Variants in SLC44A1 observed in about 807,000 individuals in gnomAD.
SLC44A1 encodes choline transporter-like protein 1.
In SLC44A1, 26 loss-of-function variants were observed where a neutral mutation model predicts 79.3. The observed-to-expected ratio is 0.33, with a 90% CI of 0.24 to 0.46. SLC44A1 has a LOEUF of 0.46. SLC44A1 is among the 20% of genes least tolerant of loss of function. The probability of loss-of-function intolerance (pLI) is 1.00; values close to 1 mark genes in which losing one functional copy is unlikely to be tolerated. For synonymous variants in SLC44A1, 263 were observed against 286.2 expected, an observed-to-expected ratio of 0.92 and a Z score of 0.82; for missense variants, 688 against 798.1, an observed-to-expected ratio of 0.86 and a Z score of 1.66.
intron 1 of SLC44A1, among the ~76,000 whole-genome samples, chr9:105,254,409 C>T (rs1056940140): frequency 5.3e-5 from 8 of 152,126 alleles, no homozygotes; most frequent in African/African-American, 1.9e-4. Context: ...TTAGAGTAAC[C>T]AGGACTTCCC....
At chr9:105,431,133 C>T (rs969115952) in intron 15 of SLC44A1, among the ~76,000 whole-genome samples, 2 of 152,194 alleles carry the variant, frequency 1.3e-5, no homozygotes, top group Admixed American at 1.3e-4. Flanking sequence ...AATCCAAGGT[C>T]ATACATATTT....
intron 15 of SLC44A1, among the ~76,000 whole-genome samples, chr9:105,432,460 T>A (rs1829409554): frequency 6.6e-6 from 1 of 152,194 alleles, no homozygotes; most frequent in Non-Finnish European, 1.5e-5. Flanking sequence ...ATTAAATTTA[T>A]CCAAAATGAT....
intron 12 of SLC44A1, among the ~76,000 whole-genome samples, chr9:105,373,162 T>C (rs1828166319): frequency 6.6e-6 from 1 of 152,162 alleles, no homozygotes; most frequent in African/African-American, 2.4e-5. Flanking sequence ...TCTCCTGGGC[T>C]CAGTGGTTAA....
intron 15 of SLC44A1, among the ~76,000 whole-genome samples, chr9:105,436,499 T>C (rs1829465827): frequency 6.6e-6 from 1 of 152,146 alleles, no homozygotes; most frequent in Non-Finnish European, 1.5e-5. Flanking sequence ...GAGGATTGCT[T>C]GAGCCCAGGA....
At chr9:105,247,516 C>T (rs373536395) in intron 1 of SLC44A1, among the ~76,000 whole-genome samples, 2 of 152,220 alleles carry the variant, frequency 1.3e-5, no homozygotes, top group African/African-American at 2.4e-5. Flanking sequence ...AGGCTGGTCT[C>T]GAACTCCTGA....
At chr9:105,438,419 G>A in exon 16 of SLC44A1, 1 of 784,116 alleles carries the variant, frequency 1.3e-6, no homozygotes, top group Admixed American at 2.6e-5. Context: ...ATGAAAGCAT[G>A]TAACAAGTTT....
chr9:105,334,320 A>G (rs937854201), intron 3 of SLC44A1, among the ~76,000 whole-genome samples: 1 of 150,430 alleles, frequency 6.6e-6, no homozygotes, highest in Non-Finnish European at 1.5e-5. Context: ...TGAAGTGTGC[A>G]GTGTTACTTG....
rs1471315415 is a variant in SLC44A1 at position 105,420,886 on chromosome 9, AAAAG to A, written c.1951-17394_1951-17391del. ...CAAAAAAAAAAAAAAAAAAAAAAAAAAAAGGATGGTCTAGATAGACGTGCTGTTG... is the reference window on the plus strand; with the variant it reads ...CAAAAAAAAAAAAAAAAAAAAAAAAAGATGGTCTAGATAGACGTGCTGTTG... On this transcript the variant is annotated intron_variant, in intron 15 of 15. Transcript: ENST00000374724. Among the ~76,000 whole-genome samples, 431 of 150,400 alleles carry A rather than the reference AAAAG, an allele frequency of 2.9e-3. 3 individuals carry two copies. Among genetic ancestry groups the A allele is most frequent in the African/African-American group, 0.01 (407 of 40,656 alleles).
chr9:105,280,609 A>G (rs762284779), intron 1 of SLC44A1, among the ~76,000 whole-genome samples: 2 of 152,226 alleles, frequency 1.3e-5, no homozygotes, highest in Non-Finnish European at 2.9e-5. Flanking sequence ...ATAGAAGAAA[A>G]CAGTATTAAA....
rs114136528 is a variant in SLC44A1 at position 105,374,949 on chromosome 9, T to G, written c.1632+214T>G. Among the ~76,000 whole-genome samples the G allele has an allele frequency of 1.3e-3, 201 of 152,344 alleles. 1 individual carries two copies. The highest frequency in any genetic ancestry group is 4.7e-3 in the African/African-American group (194 of 41,586). On this transcript the variant is annotated intron_variant, in intron 13 of 15. Transcript: ENST00000374720. The stretch of plus-strand genomic sequence containing the variant: ...AATAAATTTTTAAGGTAAGTTCCAT[T>G]ATTATCCTCATTTTACAGAGAGGGA...
intron 3 of SLC44A1, among the ~76,000 whole-genome samples, chr9:105,325,927 A>G (rs1040701598): frequency 6.6e-6 from 1 of 152,270 alleles, no homozygotes; most frequent in African/African-American, 2.4e-5. Flanking sequence ...ATTTCAGAAA[A>G]GCTGATAAAC....
chr9:105,415,866 T>C (rs935324137), intron 15 of SLC44A1, among the ~76,000 whole-genome samples: 3 of 151,978 alleles, frequency 2.0e-5, no homozygotes, highest in Non-Finnish European at 2.9e-5. Context: ...AAAGATCAAC[T>C]TTTGGATATT....
chr9:105,426,391 G>A (rs1308034405), intron 15 of SLC44A1, among the ~76,000 whole-genome samples: 3 of 152,074 alleles, frequency 2.0e-5, no homozygotes, highest in African/African-American at 7.2e-5. Context: ...TACAGTTCTT[G>A]TTTTAAAATT....
intron 3 of SLC44A1, among the ~76,000 whole-genome samples, chr9:105,312,941 G>C (rs1831220139): frequency 6.6e-6 from 1 of 152,100 alleles, no homozygotes; most frequent in Non-Finnish European, 1.5e-5. Flanking sequence ...CTTTCCTTTG[G>C]TGGTGTTGTC....
chr9:105,339,741 C>T (rs1009217365), intron 4 of SLC44A1, among the ~76,000 whole-genome samples: 14 of 152,194 alleles, frequency 9.2e-5, no homozygotes, highest in African/African-American at 2.9e-4. Flanking sequence ...GCAGGAGGAT[C>T]GCTTGAGCCC....
chr9:105,326,176 T>C (rs1327027699), intron 3 of SLC44A1, among the ~76,000 whole-genome samples: 1 of 152,164 alleles, frequency 6.6e-6, no homozygotes, highest in African/African-American at 2.4e-5. Context: ...GCTTGAGTAA[T>C]CCTCCCAGCT....
At chr9:105,345,082 T>A (rs1356275123) in intron 4 of SLC44A1, among the ~76,000 whole-genome samples, 1 of 152,206 alleles carries the variant, frequency 6.6e-6, no homozygotes, top group Non-Finnish European at 1.5e-5. Context: ...GGACCTTGAA[T>A]CCAGGATATT....
chr9:105,252,537 C>T (rs188276447), intron 1 of SLC44A1, among the ~76,000 whole-genome samples: 3 of 152,186 alleles, frequency 2.0e-5, no homozygotes, highest in East Asian at 1.9e-4. Context: ...ATACATGTCA[C>T]GTATGGAGCA....
intron 8 of SLC44A1, among the ~76,000 whole-genome samples, chr9:105,362,117 A>G (rs1363480110): frequency 1.3e-5 from 2 of 152,192 alleles, no homozygotes; most frequent in Non-Finnish European, 2.9e-5. Flanking sequence ...GGTATTAAGC[A>G]ATAAAATTAC....
Sources: allele counts gnomAD v4.1 joint callset (sites outside exome capture counted in the v4.1 genomes callset), GRCh38; gene constraint gnomAD v4.1.1; transcripts MANE v1.5; gene names NCBI Gene and HGNC (gene_info 2026-07-23, HGNC 2026-07-21).